HTR2C: variants seen among roughly 807,000 people sequenced by gnomAD.
The protein encoded by HTR2C is 5-hydroxytryptamine receptor 2C.
HTR2C carries 5 observed loss-of-function variants against 21.0 expected under a neutral mutation model. That is an observed-to-expected ratio of 0.24 (90% confidence interval 0.12 to 0.50). The LOEUF is 0.50. Ranked by LOEUF, HTR2C falls within the 20% of genes least tolerant of loss-of-function variation. HTR2C has a pLI of 0.98. For synonymous variants in HTR2C, 150 were observed against 145.3 expected (o/e 1.03, Z -0.23); for missense variants, 271 against 371.2 (o/e 0.73, Z 2.22).
chrX:114,691,572 A>G (rs183637276), intron 2 of HTR2C, among the ~76,000 whole-genome samples: 68 of 111,807 alleles, frequency 6.1e-4, no homozygotes, highest in Middle Eastern at 4.6e-3. Context: ...TTCTGTGTAT[A>G]TTCTCTACAA....
At chrX:114,776,732 T>C (rs2070061488) in intron 4 of HTR2C, 7 of 426,552 alleles carry the variant, frequency 1.6e-5, no homozygotes, top group Admixed American at 2.6e-5. Context: ...CACACAAGAG[T>C]ATGCAGTGTC....
At chrX:114,893,615 G>T (rs2071275210) in intron 5 of HTR2C, among the ~76,000 whole-genome samples, 1 of 110,956 alleles carries the variant, frequency 9.0e-6, no homozygotes. Flanking sequence ...AAATATAAAA[G>T]AATATCTTCA....
intron 2 of HTR2C, among the ~76,000 whole-genome samples, chrX:114,625,677 C>T (rs1041434962): frequency 1.8e-5 from 2 of 112,020 alleles, no homozygotes; most frequent in Admixed American, 1.9e-4. Flanking sequence ...TATAACAACA[C>T]AAATGGATTA....
At chrX:114,730,652 T>A (rs2069526309) in intron 3 of HTR2C, among the ~76,000 whole-genome samples, 1 of 111,998 alleles carries the variant, frequency 8.9e-6, no homozygotes, top group Non-Finnish European at 1.9e-5. Context: ...GAATTTGATC[T>A]GATGGCAACT....
At chrX:114,797,973 T>A (rs1474725226) in intron 4 of HTR2C, among the ~76,000 whole-genome samples, 2 of 111,601 alleles carry the variant, frequency 1.8e-5, no homozygotes, top group African/African-American at 6.5e-5. Flanking sequence ...AAATCACAAA[T>A]TTTGGTAAGA....
intron 4 of HTR2C, among the ~76,000 whole-genome samples, chrX:114,806,616 CACCATATATAT>C (rs1556449919): frequency 2.0e-4 from 19 of 94,995 alleles, no homozygotes; most frequent in South Asian, 4.9e-4. Flanking sequence ...ACCATATATA[CACCATATATAT>C]ACCATATATA....
chrX:114,629,282 G>A (rs150387861), intron 2 of HTR2C, among the ~76,000 whole-genome samples: 5,126 of 111,664 alleles, frequency 0.046, 102 homozygotes, highest in Non-Finnish European at 0.069. Context: ...TTTCTTCCCC[G>A]ACTCCTAAAG....
chrX:114,842,569 T>A (rs2070842952), intron 4 of HTR2C, among the ~76,000 whole-genome samples: 2 of 111,901 alleles, frequency 1.8e-5, no homozygotes, highest in South Asian at 7.4e-4. Context: ...AACTCAAATA[T>A]AACAGAGAAT....
At chrX:114,629,986 G>A (rs1556403824) in intron 2 of HTR2C, among the ~76,000 whole-genome samples, 2 of 110,873 alleles carry the variant, frequency 1.8e-5, no homozygotes, top group African/African-American at 3.3e-5. Flanking sequence ...AAAAGGTAAC[G>A]ATTATTTGCC....
At chrX:114,811,114 A>T (rs2070526857) in intron 4 of HTR2C, among the ~76,000 whole-genome samples, 1 of 111,541 alleles carries the variant, frequency 9.0e-6, no homozygotes, top group Admixed American at 9.6e-5. Flanking sequence ...AGCTGGTGTG[A>T]TTTGGGGGGC....
intron 2 of HTR2C, among the ~76,000 whole-genome samples, chrX:114,682,234 A>G (rs1931769602): frequency 1.8e-5 from 2 of 111,684 alleles, no homozygotes; most frequent in South Asian, 7.4e-4. Flanking sequence ...ACAAAGAAAC[A>G]TATTTAAAGC....
chrX:114,627,207 G>A (rs1435584188), intron 2 of HTR2C, among the ~76,000 whole-genome samples: 2 of 111,194 alleles, frequency 1.8e-5, no homozygotes, highest in South Asian at 3.8e-4. Context: ...TTATTCATAA[G>A]TTTTCACATA....
chrX:114,705,352 A>G (rs1384314508), intron 2 of HTR2C, among the ~76,000 whole-genome samples: 1 of 111,326 alleles, frequency 9.0e-6, no homozygotes, highest in Non-Finnish European at 1.9e-5. Context: ...ACTGGCACCA[A>G]AACAGAGATA....
chrX:114,657,901 G>A (rs1010013141), intron 2 of HTR2C, among the ~76,000 whole-genome samples: 10 of 109,930 alleles, frequency 9.1e-5, no homozygotes, highest in South Asian at 3.8e-4. Context: ...TATTAATCTC[G>A]GTCAATTAAT....
At chrX:114,771,572 T>C (rs781862833) in intron 4 of HTR2C, among the ~76,000 whole-genome samples, 2 of 25,904 alleles carry the variant, frequency 7.7e-5, no homozygotes, top group South Asian at 5.6e-3. Context: ...AGATGAGTTG[T>C]TGGTCCTCTC....
At chrX:114,786,945 A>G (rs17260600) in intron 4 of HTR2C, among the ~76,000 whole-genome samples, 1 of 111,019 alleles carries the variant, frequency 9.0e-6, no homozygotes, top group Non-Finnish European at 1.9e-5. Context: ...CATCATTGCT[A>G]AGTATTCTGG....
intron 1 of HTR2C, among the ~76,000 whole-genome samples, chrX:114,592,312 A>G (rs1347280487): frequency 8.9e-6 from 1 of 112,535 alleles, no homozygotes; most frequent in Non-Finnish European, 1.9e-5. Flanking sequence ...AATGCTGAGA[A>G]GATAATACAT....
chrX:114,735,186 G>A (rs1313838079), intron 4 of HTR2C, among the ~76,000 whole-genome samples: 2 of 110,574 alleles, frequency 1.8e-5, no homozygotes, highest in Admixed American at 1.9e-4. Context: ...GTATGGTGCT[G>A]CCTGCCCGTA....
intron 4 of HTR2C, among the ~76,000 whole-genome samples, chrX:114,830,279 G>C (rs2070709997): frequency 9.0e-6 from 1 of 111,576 alleles, no homozygotes; most frequent in Non-Finnish European, 1.9e-5. Flanking sequence ...CCCCTGGGAA[G>C]ACAGTATTTT....
Sources: gnomAD v4.1 joint callset for allele counts (sites outside exome capture counted in the v4.1 genomes callset) on GRCh38, gnomAD v4.1.1 for gene constraint, MANE v1.5 for transcripts, NCBI Gene and HGNC (gene_info 2026-07-23, HGNC 2026-07-21) for gene names.